The following CUL3 variants were observed in gnomAD, a reference collection of about 807,000 sequenced individuals.
CUL3 encodes cullin-3.
CUL3 carries 19 observed loss-of-function variants against 89.1 expected under a neutral mutation model. The observed-to-expected ratio is 0.21, with a 90% CI of 0.15 to 0.31. CUL3 has a LOEUF of 0.31. Among genes scored for constraint, CUL3 ranks in the 10% least tolerant of loss-of-function variants. The pLI, the probability that CUL3 is intolerant of heterozygous loss-of-function variation, is 1.00. For missense variants in CUL3, 469 were observed against 942.3 expected (o/e 0.50, Z 6.58); for synonymous variants, 351 against 308.4 (o/e 1.14, Z -1.45).
intron 1 of CUL3, among the ~76,000 whole-genome samples, chr2:224,577,700 G>C (rs1238865560): frequency 6.6e-6 from 1 of 152,072 alleles, no homozygotes; most frequent in Non-Finnish European, 1.5e-5. Flanking sequence ...GAATACTCCA[G>C]TGCAAAAGTA....
At chr2:224,542,557 G>A (rs556256157) in intron 2 of CUL3, among the ~76,000 whole-genome samples, 7 of 96,976 alleles carry the variant, frequency 7.2e-5, no homozygotes, top group Admixed American at 4.4e-4. Flanking sequence ...GTGCGTGTGC[G>A]TGTGTGTGTG....
At chr2:224,553,877 C>A (rs1694607590) in intron 2 of CUL3, among the ~76,000 whole-genome samples, 1 of 152,154 alleles carries the variant, frequency 6.6e-6, no homozygotes, top group East Asian at 1.9e-4. Flanking sequence ...GTTACAGTAG[C>A]TTAAGATGAG....
chr2:224,578,334 T>C (rs1475033851), intron 1 of CUL3, among the ~76,000 whole-genome samples: 1 of 152,188 alleles, frequency 6.6e-6, no homozygotes, highest in Non-Finnish European at 1.5e-5. Flanking sequence ...TAAGAAATTT[T>C]TTAACAGCAG....
chr2:224,534,897 A>C (rs1693826353), intron 3 of CUL3, among the ~76,000 whole-genome samples: 1 of 151,760 alleles, frequency 6.6e-6, no homozygotes, highest in Non-Finnish European at 1.5e-5. Context: ...GCTCATCAGG[A>C]GGCTAAGGCA....
intron 1 of CUL3, among the ~76,000 whole-genome samples, chr2:224,575,312 C>T (rs1695273968): frequency 6.6e-6 from 1 of 152,184 alleles, no homozygotes; most frequent in Admixed American, 6.5e-5. Context: ...CTCAGAGGCA[C>T]TGAGAGTCCA....
chr2:224,488,959 T>C (rs1484697922), intron 13 of CUL3, among the ~76,000 whole-genome samples: 2 of 152,146 alleles, frequency 1.3e-5, no homozygotes, highest in Non-Finnish European at 2.9e-5. Context: ...TGGTTCAACA[T>C]ATGCAAATCA....
At chr2:224,487,435 G>GCCC (rs1171138481) in intron 13 of CUL3, among the ~76,000 whole-genome samples, 7 of 51,748 alleles carry the variant, frequency 1.4e-4, no homozygotes, top group African/African-American at 5.1e-4. Flanking sequence ...TACCAAGCCC[G>GCCC]CCCCCCCCAA....
intron 12 of CUL3, among the ~76,000 whole-genome samples, chr2:224,497,474 T>C (rs1692211297): frequency 6.6e-6 from 1 of 152,192 alleles, no homozygotes; most frequent in Admixed American, 6.5e-5. Flanking sequence ...TTTTATGCAA[T>C]ATTTTCTCAA....
chr2:224,540,618 A>G (rs1283855796), intron 2 of CUL3, among the ~76,000 whole-genome samples: 3 of 152,210 alleles, frequency 2.0e-5, no homozygotes, highest in Non-Finnish European at 2.9e-5. Flanking sequence ...AACTTCTTCA[A>G]CATGAGTATG....
intron 1 of CUL3, among the ~76,000 whole-genome samples, chr2:224,575,722 CAGACA>C (rs1177154392): frequency 2.0e-5 from 3 of 152,122 alleles, no homozygotes; most frequent in African/African-American, 7.2e-5. Flanking sequence ...AAAGAGGGAA[CAGACA>C]AGACACTAAG....
rs1002601401 is a variant in CUL3 at position 224,471,119 on chromosome 2, A to C, written c.*3126T>G. 2.3e-5 allele frequency: 5 copies of C among 219,164 alleles called. No homozygotes were observed. Among genetic ancestry groups the C allele is most frequent in the Admixed American group, 1.2e-4 (2 of 17,316 alleles). 13.6% of individuals were successfully genotyped at this position (219,164 alleles called of 1,614,324 possible). A position where few individuals can be genotyped will look rare whatever the true frequency, so the allele number is the denominator to read the frequency against. On this transcript the variant is annotated 3_prime_UTR_variant, in exon 16 of 16. Transcript: ENST00000264414. ...GCTTTGAGGACTAGAAATGACTTCT[A>C]ATTTTGCTGACCTGAAATGTTTTAA...
At chr2:224,528,571 C>T (rs951314327) in intron 3 of CUL3, among the ~76,000 whole-genome samples, 3 of 152,114 alleles carry the variant, frequency 2.0e-5, no homozygotes, top group Non-Finnish European at 4.4e-5. Context: ...TCCTTAAGGG[C>T]TCAACAACTC....
At chr2:224,516,479 G>C (rs942324151) in intron 3 of CUL3, among the ~76,000 whole-genome samples, 21 of 151,848 alleles carry the variant, frequency 1.4e-4, no homozygotes, top group Non-Finnish European at 2.9e-4. Context: ...ACCACACCCA[G>C]CTAATTTTTG....
At chr2:224,482,361 C>T (rs184370919) in intron 13 of CUL3, among the ~76,000 whole-genome samples, 6 of 152,206 alleles carry the variant, frequency 3.9e-5, no homozygotes, top group Admixed American at 3.9e-4. Context: ...CAGAGATTAT[C>T]AGGAACCTGC....
intron 1 of CUL3, among the ~76,000 whole-genome samples, chr2:224,579,940 A>G (rs370168629): frequency 1.2e-4 from 18 of 152,236 alleles, no homozygotes; most frequent in East Asian, 3.8e-4. Context: ...AACCCCAGAC[A>G]GTAAAAATGG....
chr2:224,488,781 A>T (rs1433132446), intron 13 of CUL3, among the ~76,000 whole-genome samples: 1 of 152,234 alleles, frequency 6.6e-6, no homozygotes, highest in East Asian at 1.9e-4. Context: ...CATCATCCTG[A>T]TACCAAAACC....
intron 1 of CUL3, among the ~76,000 whole-genome samples, chr2:224,567,140 C>T (rs112360854): frequency 1.3e-5 from 2 of 152,142 alleles, no homozygotes; most frequent in Non-Finnish European, 2.9e-5. Flanking sequence ...ATGTGAAAAC[C>T]GCAAAAGAAA....
At chr2:224,476,073 G>A (rs1175958075) in intron 15 of CUL3, among the ~76,000 whole-genome samples, 1 of 151,746 alleles carries the variant, frequency 6.6e-6, no homozygotes, top group Non-Finnish European at 1.5e-5. Context: ...GCCCAGGGTG[G>A]AGTACAATGG....
Position 224,471,002 on chromosome 2 carries a change from A to T in CUL3, c.*3243T>A. 1 of 228,212 alleles carries T rather than the reference A, an allele frequency of 4.4e-6. No individual in the cohort carries two copies. Among genetic ancestry groups the T allele is most frequent in the Non-Finnish European group, 8.7e-6 (1 of 115,022 alleles). The allele number at this position is 228,212 out of a possible 1,614,324, so 14.1% of individuals were successfully genotyped here. On this transcript the variant is annotated 3_prime_UTR_variant, in exon 16 of 16. Transcript: ENST00000264414. ...GACAGTTATGTCACATAAAGCCAAT[A>T]TGACAACTAAATGAATGAATATACA...
Sources: gnomAD v4.1 joint callset for allele counts (sites outside exome capture counted in the v4.1 genomes callset) on GRCh38, gnomAD v4.1.1 for gene constraint, MANE v1.5 for transcripts, NCBI Gene and HGNC (gene_info 2026-07-23, HGNC 2026-07-21) for gene names.